The following FABP12 variants were observed in gnomAD, a reference collection of about 807,000 sequenced individuals.
FABP12 encodes the protein fatty acid binding protein 12.
Under a neutral mutation model 13.7 loss-of-function variants are expected in FABP12, and 19 were observed. That is an observed-to-expected ratio of 1.39 (90% CI 0.97 to 2.04). The LOEUF (loss-of-function observed/expected upper bound fraction) is 2.04, where lower values mean the gene tolerates loss of function less well. FABP12 is among the 30% of genes most tolerant of loss of function. FABP12 has a pLI of 0.00. For synonymous variants in FABP12, 61 were observed against 57.0 expected (o/e 1.07, Z -0.32); for missense variants, 182 against 164.2 (o/e 1.11, Z -0.59).
At chr8:81,565,934 G>T (rs534413118) in intron 1 of FABP12, among the ~76,000 whole-genome samples, 1 of 151,664 alleles carries the variant, frequency 6.6e-6, no homozygotes, top group East Asian at 1.9e-4. Context: ...CTCAGACTAA[G>T]AAAAAATGGG....
At position 81,560,162 on chromosome 8, in the gene FABP12, G is replaced by A. The variant is rs1048759474; in HGVS notation, c.-184-20419C>T. Among the ~76,000 whole-genome samples, 8 of 152,214 alleles carry A rather than the reference G, an allele frequency of 5.3e-5. No homozygotes were observed. In the East Asian group the frequency reaches 1.2e-3, roughly 22 times the overall value. On this transcript the variant is annotated intron_variant, in intron 1 of 5. Coordinates refer to the FABP12 transcript ENST00000692030. ...CAATGGTCTCCAGGTACAATGAGACGAAGACTTACAATAAAGAATGTCAAC... is the reference window on the plus strand; with the variant it reads ...CAATGGTCTCCAGGTACAATGAGACAAAGACTTACAATAAAGAATGTCAAC...
chr8:81,537,013 T>G (rs1809238538), upstream of FABP12, among the ~76,000 whole-genome samples: 1 of 152,198 alleles, frequency 6.6e-6, no homozygotes, highest in Admixed American at 6.5e-5. Flanking sequence ...GATCATAACT[T>G]AACAACTACT....
chr8:81,538,389 T>G (rs768397482), upstream of FABP12, among the ~76,000 whole-genome samples: 1 of 152,234 alleles, frequency 6.6e-6, no homozygotes, highest in Non-Finnish European at 1.5e-5. Context: ...AGTACACTTG[T>G]AAATGTGACC....
At chr8:81,526,949 T>G in intron 4 of FABP12, 71 bp downstream of exon 4, 1 of 873,590 alleles carries the variant, frequency 1.1e-6, no homozygotes, top group Non-Finnish European at 1.8e-6. Context: ...TTTTCATTGT[T>G]TGAGAACAAG....
intron 3 of FABP12, among the ~76,000 whole-genome samples, chr8:81,528,504 T>C (rs1808969151): frequency 6.6e-6 from 1 of 152,228 alleles, no homozygotes; most frequent in South Asian, 2.1e-4. Flanking sequence ...ATTTAGTAAC[T>C]ATTACAGTGG....
chr8:81,582,810 C>T (rs1810186662), intron 1 of FABP12, among the ~76,000 whole-genome samples: 1 of 152,034 alleles, frequency 6.6e-6, no homozygotes, highest in African/African-American at 2.4e-5. Context: ...TAGAAAGAAA[C>T]TTAACAAAGA....
At chr8:81,540,237 T>A (rs2129984217) in intron 1 of FABP12, among the ~76,000 whole-genome samples, 1 of 152,340 alleles carries the variant, frequency 6.6e-6, no homozygotes, top group Admixed American at 6.5e-5. Context: ...AAGAGCATAG[T>A]TTTTATAAGT....
intron 1 of FABP12, among the ~76,000 whole-genome samples, chr8:81,556,189 T>C (rs1809612429): frequency 1.3e-5 from 2 of 152,144 alleles, no homozygotes; most frequent in East Asian, 3.8e-4. Context: ...CACTGATTAG[T>C]GGTTGGATGG....
At chr8:81,541,888 G>A (rs1262296431) in intron 1 of FABP12, among the ~76,000 whole-genome samples, 8 of 131,132 alleles carry the variant, frequency 6.1e-5, no homozygotes, top group Non-Finnish European at 1.6e-5. Flanking sequence ...AATAGGACTG[G>A]ACTTCCAGGA....
rs533613531 is a variant in FABP12 at position 81,589,506 on chromosome 8, C to A, written c.-185+547G>T. On this transcript the variant is annotated intron_variant, in intron 1 of 5. Coordinates refer to the FABP12 transcript ENST00000692030. Reference sequence around the variant, plus strand: ...AAATCACAAACAGCGCTGACCTCCCCCTGGCCCCACTCCTAACCTGGCAGT... The same window carrying A: ...AAATCACAAACAGCGCTGACCTCCCACTGGCCCCACTCCTAACCTGGCAGT... 3.3e-5 allele frequency among the ~76,000 whole-genome samples: 5 copies of A among 152,318 alleles called. No individual in the cohort carries two copies. In the South Asian group the frequency reaches 1.0e-3, roughly 32 times the overall value.
intron 1 of FABP12, among the ~76,000 whole-genome samples, chr8:81,583,614 A>G (rs994487487): frequency 3.3e-5 from 5 of 152,176 alleles, no homozygotes; most frequent in African/African-American, 1.2e-4. Flanking sequence ...AAATTCCCGG[A>G]CACATACAAC....
At chr8:81,551,469 T>C (rs1046649659) in intron 1 of FABP12, among the ~76,000 whole-genome samples, 20 of 152,270 alleles carry the variant, frequency 1.3e-4, no homozygotes, top group African/African-American at 3.8e-4. Context: ...TTATTGATCA[T>C]TATTGGTTAA....
In FABP12 at chr8:81,530,801, T is replaced by C. The variant is rs185934134; in HGVS notation, c.73+442A>G. Among the ~76,000 whole-genome samples, 26 of 152,226 alleles carry C rather than the reference T, an allele frequency of 1.7e-4. No homozygotes were observed. The East Asian group carries it at 4.8e-3, about 28-fold the overall frequency. ...AGAGGGAGGAAGAGGGATGCTATAC[T>C]ACAGAAGAAGAGAGAGCAGTGTGAA... On this transcript the variant is annotated intron_variant, in intron 2 of 4. Coordinates refer to ENST00000360464, the Ensembl canonical transcript of FABP12.
At chr8:81,550,317 C>A (rs1402120099) in intron 1 of FABP12, among the ~76,000 whole-genome samples, 1 of 152,124 alleles carries the variant, frequency 6.6e-6, no homozygotes, top group Non-Finnish European at 1.5e-5. Context: ...TAAAATGTTC[C>A]AAATGATGCT....
intron 1 of FABP12, among the ~76,000 whole-genome samples, chr8:81,578,823 G>GT (rs763089399): frequency 1.2e-4 from 13 of 105,656 alleles, no homozygotes; most frequent in African/African-American, 3.3e-4. Context: ...ATTTGTTCAA[G>GT]TTTTTTTTTT....
At chr8:81,589,461 C>G (rs74462746) in intron 1 of FABP12, among the ~76,000 whole-genome samples, 3,829 of 152,122 alleles carry the variant, frequency 0.025, 126 homozygotes, top group African/African-American at 0.077. Context: ...CACAGGGGAT[C>G]CATCACCTTC....
intron 1 of FABP12, among the ~76,000 whole-genome samples, chr8:81,564,736 A>G (rs949388746): frequency 2.6e-5 from 4 of 152,190 alleles, no homozygotes; most frequent in African/African-American, 9.6e-5. Flanking sequence ...ACCATAGAAA[A>G]TCACCTTCAC....
At chr8:81,525,790 C>G (rs1808885887) in intron 4 of FABP12, 1 of 152,102 alleles carries the variant, frequency 6.6e-6, no homozygotes, top group African/African-American at 2.4e-5. Context: ...ATACTCTACA[C>G]TTTCTAAATG....
At chr8:81,587,285 T>C (rs1019202223) in intron 1 of FABP12, among the ~76,000 whole-genome samples, 2 of 152,226 alleles carry the variant, frequency 1.3e-5, no homozygotes, top group African/African-American at 2.4e-5. Context: ...GACTCTTTTT[T>C]AGTTCCAAAC....
Sources: allele counts gnomAD v4.1 joint callset (sites outside exome capture counted in the v4.1 genomes callset), GRCh38; gene constraint gnomAD v4.1.1; transcripts MANE v1.5; gene names NCBI Gene and HGNC (gene_info 2026-07-23, HGNC 2026-07-21).